Variants in CHRM3 observed in about 807,000 individuals in gnomAD.
CHRM3 encodes cholinergic receptor muscarinic 3.
In CHRM3, 11 loss-of-function variants were observed where a neutral mutation model predicts 41.8. The observed-to-expected ratio is 0.26, with a 90% CI of 0.17 to 0.44. The LOEUF (loss-of-function observed/expected upper bound fraction) is 0.44, where lower values mean the gene tolerates loss of function less well. CHRM3 is among the 20% of genes least tolerant of loss of function. The pLI is 1.00. For synonymous variants in CHRM3, 297 were observed against 301.4 expected (o/e 0.99, Z 0.15); for missense variants, 571 against 745.4 (o/e 0.77, Z 2.72).
At chr1:239,391,358 T>C (rs948663359) in intron 1 of CHRM3, among the ~76,000 whole-genome samples, 7 of 152,172 alleles carry the variant, frequency 4.6e-5, no homozygotes, top group African/African-American at 1.7e-4. Context: ...CAGTGCTTGA[T>C]TGGAACCCAG....
chr1:239,398,571 C>G (rs751383702), intron 1 of CHRM3, among the ~76,000 whole-genome samples: 2 of 152,126 alleles, frequency 1.3e-5, no homozygotes, highest in African/African-American at 2.4e-5. Context: ...TTCTATCAAA[C>G]CCCTGAAGAT....
chr1:239,794,180 A>G (rs1295722673), intron 5 of CHRM3, among the ~76,000 whole-genome samples: 3 of 152,164 alleles, frequency 2.0e-5, no homozygotes, highest in African/African-American at 4.8e-5. Flanking sequence ...AGTAGAGAGT[A>G]TAGAGATTAA....
intron 1 of CHRM3, among the ~76,000 whole-genome samples, chr1:239,452,180 A>G (rs1379721553): frequency 6.6e-6 from 1 of 152,222 alleles, no homozygotes; most frequent in African/African-American, 2.4e-5. Flanking sequence ...AATTGTGAAT[A>G]CTTACTGACT....
At chr1:239,620,009 A>G (rs1572964049) in intron 3 of CHRM3, among the ~76,000 whole-genome samples, 1 of 152,166 alleles carries the variant, frequency 6.6e-6, no homozygotes, top group East Asian at 1.9e-4. Flanking sequence ...AAAATCAAGG[A>G]GCTTCAGGAC....
intron 4 of CHRM3, among the ~76,000 whole-genome samples, chr1:239,642,586 A>T (rs373468442): frequency 6.6e-6 from 1 of 152,072 alleles, no homozygotes; most frequent in Non-Finnish European, 1.5e-5. Flanking sequence ...CATTCTTCAC[A>T]TAGTTCTCGA....
chr1:239,819,371 G>C (rs1024502350), intron 5 of CHRM3, among the ~76,000 whole-genome samples: 1 of 152,172 alleles, frequency 6.6e-6, no homozygotes, highest in East Asian at 1.9e-4. Flanking sequence ...GGTTTCCACT[G>C]TTTCTTCCGA....
intron 5 of CHRM3, among the ~76,000 whole-genome samples, chr1:239,805,668 A>G (rs1218338801): frequency 6.6e-6 from 1 of 151,996 alleles, no homozygotes; most frequent in South Asian, 2.1e-4. Flanking sequence ...ACACATCTAT[A>G]TATACTCACA....
chr1:239,448,776 T>C (rs1380808909), intron 1 of CHRM3, among the ~76,000 whole-genome samples: 1 of 152,114 alleles, frequency 6.6e-6, no homozygotes, highest in Non-Finnish European at 1.5e-5. Context: ...ATTAGTATTT[T>C]TTGTTTGTTT....
At chr1:239,896,112 G>A (rs1052515256) in intron 6 of CHRM3, among the ~76,000 whole-genome samples, 15 of 152,186 alleles carry the variant, frequency 9.9e-5, no homozygotes, top group African/African-American at 2.2e-4. Flanking sequence ...GTGTCCCTCC[G>A]GGGTCTGTGC....
chr1:239,799,113 G>C (rs1162871168), intron 5 of CHRM3, among the ~76,000 whole-genome samples: 2 of 152,116 alleles, frequency 1.3e-5, no homozygotes, highest in African/African-American at 2.4e-5. Flanking sequence ...AAAATAATGA[G>C]GTACCAATGG....
In CHRM3 at chr1:239,909,725, A is replaced by G. The variant is rs1307781499; in HGVS notation, c.*501A>G. On this transcript the variant is annotated 3_prime_UTR_variant, in exon 7 of 7. Coordinates refer to ENST00000676153, the MANE Select transcript of CHRM3 (RefSeq NM_001375978.1). ...AAGCTGAATCTTCTTGTCCCAATAG[A>G]GCTTCCTGTCTTTTCTTTGGTGTGT... The G allele has an allele frequency of 5.9e-6, 1 of 168,264 alleles. No homozygotes were observed. Among genetic ancestry groups the G allele is most frequent in the Non-Finnish European group, 1.4e-5 (1 of 69,078 alleles). The allele number at this position is 168,264 out of a possible 1,614,324, so 10.4% of individuals were successfully genotyped here.
chr1:239,830,911 C>G (rs565209722), intron 6 of CHRM3, among the ~76,000 whole-genome samples: 1 of 152,236 alleles, frequency 6.6e-6, no homozygotes, highest in African/African-American at 2.4e-5. Flanking sequence ...TTTCAGAACA[C>G]TTAGTACCAA....
intron 3 of CHRM3, among the ~76,000 whole-genome samples, chr1:239,585,533 G>C (rs1001184662): frequency 6.6e-6 from 1 of 152,158 alleles, no homozygotes; most frequent in African/African-American, 2.4e-5. Flanking sequence ...TTGTCATAAA[G>C]GGCAACCGTC....
At chr1:239,501,926 C>T (rs921779329) in intron 2 of CHRM3, among the ~76,000 whole-genome samples, 6 of 152,048 alleles carry the variant, frequency 3.9e-5, no homozygotes, top group African/African-American at 1.4e-4. Context: ...ACAGCAAAGG[C>T]GGTGCTAAGA....
chr1:239,865,179 C>G (rs1488953852), intron 6 of CHRM3, among the ~76,000 whole-genome samples: 1 of 152,170 alleles, frequency 6.6e-6, no homozygotes, highest in Non-Finnish European at 1.5e-5. Flanking sequence ...CATGGAATCT[C>G]CTCTGTGATA....
chr1:239,477,588 C>G (rs944640015), intron 1 of CHRM3, among the ~76,000 whole-genome samples: 3 of 152,152 alleles, frequency 2.0e-5, no homozygotes, highest in African/African-American at 4.8e-5. Flanking sequence ...ATCTACATGA[C>G]AGCTCATGTA....
chr1:239,803,227 C>G (rs1670357480), intron 5 of CHRM3, among the ~76,000 whole-genome samples: 2 of 152,132 alleles, frequency 1.3e-5, no homozygotes, highest in East Asian at 3.9e-4. Context: ...GGGCAAGACT[C>G]CATTGTGCCA....
chr1:239,691,382 ACAT>A (rs1659703047), intron 5 of CHRM3, among the ~76,000 whole-genome samples: 1 of 152,162 alleles, frequency 6.6e-6, no homozygotes, highest in East Asian at 1.9e-4. Context: ...ACCTCACTCA[ACAT>A]GTTGTTAGAA....
intron 5 of CHRM3, among the ~76,000 whole-genome samples, chr1:239,789,997 G>T (rs1669212431): frequency 6.6e-6 from 1 of 152,108 alleles, no homozygotes; most frequent in South Asian, 2.1e-4. Context: ...GACTTGCATG[G>T]GGCCTGTAGC....
Sources: gnomAD v4.1 joint callset for allele counts (sites outside exome capture counted in the v4.1 genomes callset) on GRCh38, gnomAD v4.1.1 for gene constraint, MANE v1.5 for transcripts, NCBI Gene and HGNC (gene_info 2026-07-23, HGNC 2026-07-21) for gene names.